Variants in ANO4 observed in about 807,000 individuals in gnomAD.
The protein encoded by ANO4 is anoctamin 4, also known as anoctamin-4.
A neutral mutation model predicts 141.9 loss-of-function variants in ANO4; 69 were observed. The observed-to-expected ratio is 0.49, with a 90% CI of 0.40 to 0.59. ANO4 has a LOEUF of 0.59. ANO4 is among the 20% of genes least tolerant of loss of function. The pLI is 0.00. For synonymous variants in ANO4, 350 were observed against 394.3 expected, an observed-to-expected ratio of 0.89 and a Z score of 1.33; for missense variants, 894 against 1,162.2, an observed-to-expected ratio of 0.77 and a Z score of 3.36.
intron 11 of ANO4, 139 bp from the exon 12 acceptor site, chr12:101,042,195 G>C: frequency 1.0e-6 from 1 of 999,860 alleles, no homozygotes; most frequent in Non-Finnish European, 1.5e-6. Context: ...GATTTGATGG[G>C]ATGTTCTTTT....
intron 1 of ANO4, among the ~76,000 whole-genome samples, chr12:100,865,497 G>T (rs373910899): frequency 9.9e-5 from 15 of 152,234 alleles, no homozygotes; most frequent in African/African-American, 3.1e-4. Flanking sequence ...AGTGGGCGAA[G>T]GATATGAACA....
At chr12:100,951,366 A>G (rs953875696) in intron 5 of ANO4, among the ~76,000 whole-genome samples, 3 of 152,218 alleles carry the variant, frequency 2.0e-5, no homozygotes, top group African/African-American at 7.2e-5. Flanking sequence ...TCATTCTACC[A>G]TATAGACACA....
intron 2 of ANO4, among the ~76,000 whole-genome samples, chr12:100,904,999 A>G (rs1262331725): frequency 6.6e-6 from 1 of 152,188 alleles, no homozygotes; most frequent in Non-Finnish European, 1.5e-5. Flanking sequence ...AAAGAAGAGC[A>G]AAGGATGACT....
intron 22 of ANO4, among the ~76,000 whole-genome samples, chr12:101,107,540 C>A (rs1406545298): frequency 1.8e-5 from 2 of 108,810 alleles, no homozygotes; most frequent in African/African-American, 1.2e-4. Flanking sequence ...TCAAAGTAGT[C>A]ATAGCAACAC....
chr12:100,759,120 T>C (rs1309106162), intron 3 of ANO4, among the ~76,000 whole-genome samples: 2 of 152,184 alleles, frequency 1.3e-5, no homozygotes, highest in Non-Finnish European at 2.9e-5. Flanking sequence ...TTTGAGGATA[T>C]GGAAACCTAG....
chr12:100,774,807 C>T (rs2033433726), intron 3 of ANO4, among the ~76,000 whole-genome samples: 1 of 152,220 alleles, frequency 6.6e-6, no homozygotes, highest in Non-Finnish European at 1.5e-5. Context: ...GTCACTTTCC[C>T]TATAGCAAAA....
intron 3 of ANO4, among the ~76,000 whole-genome samples, chr12:100,934,925 T>G (rs2042223861): frequency 6.6e-6 from 1 of 152,166 alleles, no homozygotes; most frequent in Admixed American, 6.5e-5. Context: ...TGCTTGTGAT[T>G]TTTGCACATT....
In ANO4 at chr12:100,941,215, TA is replaced by T. The variant is rs909254191; in HGVS notation, c.298-1150del. On this transcript the variant is annotated intron_variant, in intron 4 of 27. Transcript: ENST00000392977. ...GGTAAAATGTTTTTCTTGTTGTGGG[TA>T]AAAAAAAAAAAGAGAAACACTGAAC... Among the ~76,000 whole-genome samples the T allele has an allele frequency of 9.4e-3, 1,323 of 140,764 alleles. 14 individuals carry two copies. The highest frequency in any genetic ancestry group is 0.028 in the African/African-American group (1,089 of 38,744). 92.3% of individuals were successfully genotyped at this position (140,764 alleles called of 152,430 possible). A position where few individuals can be genotyped will look rare whatever the true frequency, so the allele number is the denominator to read the frequency against.
intron 1 of ANO4, among the ~76,000 whole-genome samples, chr12:100,821,546 A>ATGACGGAGTCACATATG (rs71436997): frequency 7.9e-5 from 12 of 151,644 alleles, no homozygotes; most frequent in African/African-American, 2.7e-4. Context: ...AAGAATAGAG[A>ATGACGGAGTCACATATG]TGAAGACAGA....
chr12:101,000,619 G>C (rs1780187599), intron 8 of ANO4, among the ~76,000 whole-genome samples: 1 of 152,090 alleles, frequency 6.6e-6, no homozygotes, highest in Non-Finnish European at 1.5e-5. Flanking sequence ...CAGGTTGTTT[G>C]TATTGATCCT....
At chr12:100,990,075 G>A (rs1365016940) in intron 8 of ANO4, among the ~76,000 whole-genome samples, 2 of 152,108 alleles carry the variant, frequency 1.3e-5, no homozygotes, top group African/African-American at 2.4e-5. Context: ...TTGTGTAGGT[G>A]TATAAATGAA....
chr12:100,918,705 C>T lies in ANO4; in HGVS notation c.56-3521C>T, dbSNP rs186539951. On this transcript the variant is annotated intron_variant, in intron 2 of 27. Transcript: ENST00000392977. ...CAGTTGTATAAAAATATAGCACATA[C>T]AGTTATTTACAGTATATAATACTTG... 2.8e-3 allele frequency among the ~76,000 whole-genome samples: 429 copies of T among 152,258 alleles called. 1 individual carries two copies. The highest frequency in any genetic ancestry group is 9.8e-3 in the African/African-American group (408 of 41,564).
intron 5 of ANO4, among the ~76,000 whole-genome samples, chr12:100,968,666 AG>A (rs1163887529): frequency 1.3e-5 from 2 of 152,186 alleles, no homozygotes; most frequent in African/African-American, 4.8e-5. Context: ...AACTATTTTT[AG>A]GAAATACAGT....
At chr12:100,998,321 C>G (rs1371205982) in intron 8 of ANO4, among the ~76,000 whole-genome samples, 1 of 152,154 alleles carries the variant, frequency 6.6e-6, no homozygotes, top group African/African-American at 2.4e-5. Flanking sequence ...CCTCGGCTTG[C>G]AGGCAGCCTA....
At chr12:100,748,229 A>G (rs2032200776) in intron 3 of ANO4, among the ~76,000 whole-genome samples, 1 of 152,206 alleles carries the variant, frequency 6.6e-6, no homozygotes, top group East Asian at 1.9e-4. Flanking sequence ...CTTATAACAA[A>G]TTGTGACCAG....
chr12:100,955,135 A>G (rs538567373), intron 5 of ANO4, among the ~76,000 whole-genome samples: 1 of 152,386 alleles, frequency 6.6e-6, no homozygotes, highest in South Asian at 2.1e-4. Flanking sequence ...GAGAATAAAA[A>G]ATAAATGTTC....
At chr12:101,063,711 A>C (rs1402137379) in intron 14 of ANO4, among the ~76,000 whole-genome samples, 2 of 97,920 alleles carry the variant, frequency 2.0e-5, no homozygotes, top group East Asian at 7.0e-4. Context: ...ATGCAATCTT[A>C]GTCATTTAAT....
chr12:100,756,701 C>T (rs2032629633), intron 3 of ANO4, among the ~76,000 whole-genome samples: 1 of 152,118 alleles, frequency 6.6e-6, no homozygotes, highest in Non-Finnish European at 1.5e-5. Context: ...TATTTCAACT[C>T]TTGGGAGATC....
intron 3 of ANO4, among the ~76,000 whole-genome samples, chr12:100,771,683 A>C (rs1362691536): frequency 1.3e-5 from 2 of 152,152 alleles, no homozygotes; most frequent in Non-Finnish European, 2.9e-5. Context: ...GAATGGAGAA[A>C]AGCATCTTCA....
Sources: allele counts gnomAD v4.1 joint callset (sites outside exome capture counted in the v4.1 genomes callset), GRCh38; gene constraint gnomAD v4.1.1; transcripts MANE v1.5; gene names NCBI Gene and HGNC (gene_info 2026-07-23, HGNC 2026-07-21).